The following TCF4 variants were observed in gnomAD, a reference collection of about 807,000 sequenced individuals.
The protein encoded by TCF4 is SL3-3 enhancer factor 2.
In TCF4, 3 loss-of-function variants were observed where a neutral mutation model predicts 82.1. The ratio of observed to expected loss-of-function variants is 0.04; its 90% CI spans 0.02 to 0.09. The LOEUF (loss-of-function observed/expected upper bound fraction) is 0.09, where lower values mean the gene tolerates loss of function less well. Among genes scored for constraint, TCF4 ranks in the 10% least tolerant of loss-of-function variants. The probability of loss-of-function intolerance (pLI) is 1.00; values close to 1 mark genes in which losing one functional copy is unlikely to be tolerated. For missense variants in TCF4, 518 were observed against 852.7 expected, an observed-to-expected ratio of 0.61 and a Z score of 4.89; for synonymous variants, 276 against 309.6, an observed-to-expected ratio of 0.89 and a Z score of 1.14.
At chr18:55,430,399 T>C (rs2095152000) in intron 5 of TCF4, among the ~76,000 whole-genome samples, 1 of 152,212 alleles carries the variant, frequency 6.6e-6, no homozygotes, top group Non-Finnish European at 1.5e-5. Context: ...TTCCAAGTTT[T>C]CCAACAGCAA....
At chr18:55,480,863 G>A (rs1243192951) in intron 3 of TCF4, among the ~76,000 whole-genome samples, 2 of 152,132 alleles carry the variant, frequency 1.3e-5, no homozygotes, top group Admixed American at 6.6e-5. Context: ...CAACACTTCG[G>A]GAGGCTGAGG....
intron 5 of TCF4, among the ~76,000 whole-genome samples, chr18:55,407,976 C>T (rs987166606): frequency 6.6e-6 from 1 of 151,862 alleles, no homozygotes; most frequent in Admixed American, 6.6e-5. Flanking sequence ...AGATTACTGC[C>T]CCTGGATACA....
chr18:55,363,968 C>T (rs1401943530), intron 6 of TCF4, among the ~76,000 whole-genome samples: 1 of 152,026 alleles, frequency 6.6e-6, no homozygotes, highest in Non-Finnish European at 1.5e-5. Context: ...TGGGGAAGAA[C>T]ATGAACCATT....
At chr18:55,383,294 G>A (rs1422594182) in intron 6 of TCF4, among the ~76,000 whole-genome samples, 1 of 152,122 alleles carries the variant, frequency 6.6e-6, no homozygotes, top group African/African-American at 2.4e-5. Context: ...TCATCAGAGG[G>A]GAGAACAATG....
chr18:55,293,858 T>C (rs1196310322), intron 8 of TCF4, among the ~76,000 whole-genome samples: 1 of 147,038 alleles, frequency 6.8e-6, no homozygotes, highest in East Asian at 2.0e-4. Context: ...TGGAGAGGAA[T>C]ATGGAACAAA....
chr18:55,275,850 T>A lies in TCF4; in HGVS notation c.656-98A>T. On this transcript the variant is annotated intron_variant, in intron 9 of 19. Transcript: ENST00000354452. ...TACTTGAAAATGACTGCCTGTTGTG[T>A]TATTCATCTTTGTGTTGGTTAGCTG... The A allele has an allele frequency of 4.7e-6, 7 of 1,479,328 alleles. No homozygotes were observed. The South Asian group carries it at 6.8e-5, about 14-fold the overall frequency. 91.6% of individuals were successfully genotyped at this position (1,479,328 alleles called of 1,614,324 possible). A position where few individuals can be genotyped will look rare whatever the true frequency, so the allele number is the denominator to read the frequency against.
At chr18:55,609,981 TA>T (rs1312714815) in intron 2 of TCF4, among the ~76,000 whole-genome samples, 1 of 152,050 alleles carries the variant, frequency 6.6e-6, no homozygotes, top group Admixed American at 6.6e-5. Flanking sequence ...CTTATTTGCT[TA>T]TTTTTTTTTT....
chr18:55,312,730 A>G (rs978605728), intron 8 of TCF4, among the ~76,000 whole-genome samples: 4 of 152,170 alleles, frequency 2.6e-5, no homozygotes, highest in Admixed American at 2.0e-4. Flanking sequence ...ATCTATTTCT[A>G]GCAGTTTTAG....
intron 5 of TCF4, among the ~76,000 whole-genome samples, chr18:55,412,781 C>A (rs1473596381): frequency 6.6e-6 from 1 of 152,178 alleles, no homozygotes; most frequent in Non-Finnish European, 1.5e-5. Context: ...AGGAAATCAG[C>A]AGCCGCATTT....
chr18:55,296,984 C>A (rs1429171478), intron 8 of TCF4, among the ~76,000 whole-genome samples: 1 of 151,940 alleles, frequency 6.6e-6, no homozygotes, highest in Non-Finnish European at 1.5e-5. Context: ...TCAGCAAAAC[C>A]CAAAACACAT....
intron 2 of TCF4, among the ~76,000 whole-genome samples, chr18:55,604,953 T>C (rs2097700921): frequency 6.6e-6 from 1 of 152,152 alleles, no homozygotes; most frequent in Non-Finnish European, 1.5e-5. Context: ...ACAATTGAAA[T>C]TCCAGCCCTT....
At chr18:55,463,375 C>T (rs1455833732) in intron 4 of TCF4, among the ~76,000 whole-genome samples, 1 of 152,130 alleles carries the variant, frequency 6.6e-6, no homozygotes, top group Non-Finnish European at 1.5e-5. Context: ...ATACAAGAAA[C>T]ACGTATTGCT....
intron 2 of TCF4, among the ~76,000 whole-genome samples, chr18:55,631,070 A>G (rs907410407): frequency 1.4e-5 from 2 of 146,954 alleles, no homozygotes; most frequent in Non-Finnish European, 3.0e-5. Flanking sequence ...TTTTTTTTGA[A>G]ATAGAATCTC....
rs139017170 is a variant in TCF4, at chr18:55,477,693, C to T, written c.146-13556G>A. On this transcript the variant is annotated intron_variant, in intron 3 of 19. Coordinates refer to ENST00000354452, the MANE Select transcript of TCF4 (RefSeq NM_001083962.2). ...AAAATGGACCAAGGTTTCCTCTAAACCATGCTGCTTCCCTTACTTTCACTT... is the reference window on the plus strand; with the variant it reads ...AAAATGGACCAAGGTTTCCTCTAAATCATGCTGCTTCCCTTACTTTCACTT... Among the ~76,000 whole-genome samples, 129 of 152,306 alleles carry T rather than the reference C, an allele frequency of 8.5e-4. 2 individuals are homozygous for T. The East Asian group carries it at 0.02, about 24-fold the overall frequency.
intron 6 of TCF4, among the ~76,000 whole-genome samples, chr18:55,353,344 T>G (rs2082705441): frequency 6.6e-6 from 1 of 152,190 alleles, no homozygotes; most frequent in Non-Finnish European, 1.5e-5. Context: ...ATCCAACTCT[T>G]ACATATGCAG....
chr18:55,350,961 T>C lies in TCF4; in HGVS notation c.412A>G (p.Thr138Ala), dbSNP rs146412750. The change falls in exon 7 of 20, where the codon ACC becomes GCC. Residue 138 changes from threonine to alanine, a missense_variant. Physicochemically the swap from Thr to Ala is moderately conservative, Grantham distance 58 (BLOSUM62 0). Coordinates refer to ENST00000354452, the MANE Select transcript of TCF4 (RefSeq NM_001083962.2). ...GGDMDMGNPGTLSPTKPGSQY... is the reference protein window; with the variant it reads ...GGDMDMGNPGALSPTKPGSQY... The stretch of plus-strand genomic sequence containing the variant: ...GAACCAGGTTTGGTGGGCGAAAGGG[T>C]TCCTGGGTTGCCCATATCCATGTCA... The C allele has an allele frequency of 1.2e-5, 19 of 1,613,484 alleles. No homozygotes were observed. The highest frequency in any genetic ancestry group is 3.3e-4 in the Middle Eastern group (2 of 6,082).
intron 5 of TCF4, among the ~76,000 whole-genome samples, chr18:55,450,031 T>A (rs970991931): frequency 3.3e-5 from 5 of 152,220 alleles, no homozygotes; most frequent in African/African-American, 1.2e-4. Context: ...TAGGGCCAGG[T>A]GGCTTTACGT....
At chr18:55,403,540 A>G in intron 5 of TCF4, 22 bp from the exon 6 acceptor site, 4 of 1,613,800 alleles carry the variant, frequency 2.5e-6, no homozygotes, top group Non-Finnish European at 3.4e-6. Flanking sequence ...AACGACAAAA[A>G]AGTGTAAATT....
intron 6 of TCF4, among the ~76,000 whole-genome samples, chr18:55,375,037 A>G (rs1188552131): frequency 6.6e-6 from 1 of 151,940 alleles, no homozygotes; most frequent in African/African-American, 2.4e-5. Context: ...AGCAGCACAC[A>G]AAAAAGAAAA....
Sources: gnomAD v4.1 joint callset for allele counts (sites outside exome capture counted in the v4.1 genomes callset) on GRCh38, gnomAD v4.1.1 for gene constraint, MANE v1.5 for transcripts, NCBI Gene and HGNC (gene_info 2026-07-23, HGNC 2026-07-21) for gene names.